Variants in TEX10 observed in about 807,000 individuals in gnomAD.
TEX10 encodes the protein testis expressed 10.
TEX10 carries 24 observed loss-of-function variants against 104.4 expected under a neutral mutation model. That is an observed-to-expected ratio of 0.23 (90% CI 0.17 to 0.32). The LOEUF is 0.32. Among genes scored for constraint, TEX10 ranks in the 10% least tolerant of loss-of-function variants. TEX10 has a pLI of 1.00. For synonymous variants in TEX10, 396 were observed against 393.4 expected, an observed-to-expected ratio of 1.01 and a Z score of -0.08; for missense variants, 921 against 1,083.9, an observed-to-expected ratio of 0.85 and a Z score of 2.11.
At chr9:100,348,714 G>A (rs1447679343) in intron 2 of TEX10, among the ~76,000 whole-genome samples, 2 of 152,108 alleles carry the variant, frequency 1.3e-5, no homozygotes, top group Admixed American at 6.6e-5. Flanking sequence ...AAGAGTTTGA[G>A]ACCAGCCTGG....
chr9:100,349,660 T>A (rs200335258), intron 1 of TEX10, among the ~76,000 whole-genome samples: 1 of 26,018 alleles, frequency 3.8e-5, no homozygotes, highest in South Asian at 3.2e-3. Context: ...CTGAAATGTG[T>A]TTTTTTTTTG....
intron 5 of TEX10, among the ~76,000 whole-genome samples, chr9:100,335,290 T>C (rs1446823386): frequency 6.6e-6 from 1 of 151,902 alleles, no homozygotes; most frequent in South Asian, 2.1e-4. Context: ...GCAACCTTCA[T>C]CTTCAGGGAT....
Position 100,352,929 on chromosome 9 carries a change from G to T in TEX10, c.-167C>A. 1 of 991,246 alleles carries T rather than the reference G, an allele frequency of 1.0e-6. No individual in the cohort carries two copies. The highest frequency in any genetic ancestry group is 1.2e-6 in the Non-Finnish European group (1 of 834,326). The allele number at this position is 991,246 out of a possible 1,614,324, so 61.4% of individuals were successfully genotyped here. A position where few individuals can be genotyped will look rare whatever the true frequency, so the allele number is the denominator to read the frequency against. ...TCACGCGGCCGCGTCTCCTTCCGCC[G>T]CCCGGAAATCAGGGCCCCTCCCCCT... On this transcript the variant is annotated 5_prime_UTR_variant, in exon 1 of 15. Transcript: ENST00000374902.
At chr9:100,325,145 A>T (rs549703735) in intron 9 of TEX10, among the ~76,000 whole-genome samples, 6 of 152,314 alleles carry the variant, frequency 3.9e-5, no homozygotes, top group South Asian at 2.1e-4. Flanking sequence ...TACTGGTATG[A>T]AGAAAGTCTA....
At chr9:100,306,684 G>T (rs41274959) in intron 13 of TEX10, 1 of 152,064 alleles carries the variant, frequency 6.6e-6, no homozygotes, top group African/African-American at 2.4e-5. Flanking sequence ...GCCCAAATGG[G>T]AATTTTAGGT....
At chr9:100,352,088 A>T (rs924601241) in intron 1 of TEX10, among the ~76,000 whole-genome samples, 50 of 152,302 alleles carry the variant, frequency 3.3e-4, no homozygotes, top group African/African-American at 1.1e-3. Context: ...TCCAACTATA[A>T]ATAGTTTGCC....
chr9:100,342,657 A>C (rs544886948), intron 4 of TEX10, among the ~76,000 whole-genome samples: 1 of 152,252 alleles, frequency 6.6e-6, no homozygotes, highest in East Asian at 1.9e-4. Context: ...TTGGTTACAA[A>C]CTCTAACCCT....
chr9:100,343,968 C>G (rs1199711629), intron 4 of TEX10, among the ~76,000 whole-genome samples: 1 of 152,150 alleles, frequency 6.6e-6, no homozygotes, highest in East Asian at 1.9e-4. Flanking sequence ...ATTTTAATGT[C>G]ATTTTGTATA....
At position 100,326,488 on chromosome 9, in the gene TEX10, G is replaced by A; in HGVS notation, c.1802-9C>T. On this transcript the variant is annotated splice_polypyrimidine_tract_variant and intron_variant, in intron 8 of 14. Coordinates refer to ENST00000374902, the MANE Select transcript of TEX10 (RefSeq NM_017746.4). ...AGCACCTTCTTGTGGATCTAGTGAG[G>A]TGGATAGACATATTAAAAACAACTA... 3 of 1,607,666 alleles carry A rather than the reference G, an allele frequency of 1.9e-6. No homozygotes were observed. The highest frequency in any genetic ancestry group is 2.5e-6 in the Non-Finnish European group (3 of 1,177,230).
rs777828472 is a variant in TEX10 at position 100,329,796 on chromosome 9, T to C, written c.1489+135A>G. ...ACAATTTCAGTGTTCAAGTAGACAG[T>C]AGCTACCTTTTATGGCTTGAATACA... On this transcript the variant is annotated intron_variant, in intron 6 of 14. Coordinates refer to ENST00000374902, the MANE Select transcript of TEX10 (RefSeq NM_017746.4). 9 of 771,392 alleles carry C rather than the reference T, an allele frequency of 1.2e-5. No homozygotes were observed. The South Asian group carries it at 1.5e-4, about 13-fold the overall frequency. The allele number at this position is 771,392 out of a possible 1,614,324, so 47.8% of individuals were successfully genotyped here.
intron 10 of TEX10, among the ~76,000 whole-genome samples, chr9:100,320,779 G>A (rs182657971): frequency 3.9e-5 from 6 of 152,272 alleles, no homozygotes; most frequent in Admixed American, 3.3e-4. Flanking sequence ...AAATGCTTTA[G>A]GTTCTTAGAT....
At position 100,349,385 on chromosome 9, in the gene TEX10, GAATT is replaced by G. The variant is rs752946673; in HGVS notation, c.-9-17_-9-14del. On this transcript the variant is annotated splice_polypyrimidine_tract_variant and intron_variant, in intron 1 of 14. Coordinates refer to ENST00000374902, the MANE Select transcript of TEX10 (RefSeq NM_017746.4). Reference sequence around the variant, plus strand: ...TCATTCTCGACTACTATAATGAAAAGAATTAATTAAAAGCAATGGATAGAGACAA... The same window carrying G: ...TCATTCTCGACTACTATAATGAAAAGAATTAAAAGCAATGGATAGAGACAA... 1.7e-5 allele frequency: 26 copies of G among 1,516,384 alleles called. 1 individual carries two copies. In the African/African-American group the frequency reaches 2.5e-4, roughly 15 times the overall value. 93.9% of individuals were successfully genotyped at this position (1,516,384 alleles called of 1,614,324 possible).
rs1274263359 is a variant in TEX10, at chr9:100,329,236, T to C, written c.1529A>G (p.Tyr510Cys). Residue 510 changes from tyrosine to cysteine, a missense_variant, in exon 7 of 15, where the codon TAT becomes TGT. By Grantham distance (194) the Tyr-to-Cys change is radical (BLOSUM62 -2). This residue lies in a region of TEX10 where 753 missense variants were observed against 868.4 expected (regional missense o/e 0.87). Coordinates refer to ENST00000374902, the MANE Select transcript of TEX10 (RefSeq NM_017746.4). ...ETLIKAVYTL[Y>C]QQRGLILPVR... ...TGGAAGGATAAGGCCCCTCTGCTGATATAATGTATAAACTGCCTTAATAAG... is the reference window on the plus strand; with the variant it reads ...TGGAAGGATAAGGCCCCTCTGCTGACATAATGTATAAACTGCCTTAATAAG... 2 of 1,611,150 alleles carry C rather than the reference T, an allele frequency of 1.2e-6. No individual in the cohort carries two copies. The highest frequency in any genetic ancestry group is 1.7e-6 in the Non-Finnish European group (2 of 1,179,364).
At position 100,303,826 on chromosome 9, in the gene TEX10, C is replaced by G; in HGVS notation, c.2482G>C (p.Val828Leu). Residue 828 changes from valine to leucine, a missense_variant, in exon 14 of 15, where the codon GTC becomes CTC. Val to Leu is a conservative substitution (Grantham distance 32). Transcript: ENST00000374902. Reference protein sequence around the residue: ...HLRKRDKLWGVCVSILALLPR... With the variant: ...HLRKRDKLWGLCVSILALLPR... ...AAGAGAGCCAGGATGGAGACACAGA[C>G]CCCCCACAGCTTGTCCCTACAATAA... 1 of 1,613,856 alleles carries G rather than the reference C, an allele frequency of 6.2e-7. No individual in the cohort carries two copies. Among genetic ancestry groups the G allele is most frequent in the Non-Finnish European group, 8.5e-7 (1 of 1,179,972 alleles).
At position 100,346,974 on chromosome 9, in the gene TEX10, A is replaced by T; in HGVS notation, c.613T>A (p.Ser205Thr). ...TTTACAGAAAGTATCCAGGACTGGG[A>T]TCTGTCTCTATTTATCAGTCCTTTG... ...LSKGLINRDR[S>T]QSWILSVNPN... The change falls in exon 3 of 15, where the codon TCC (serine) becomes ACC (threonine). Residue 205 changes from serine (S) to threonine (T), a missense_variant. By Grantham distance (58) the Ser-to-Thr change is moderately conservative (BLOSUM62 1). This residue lies in a region of TEX10 where 753 missense variants were observed against 868.4 expected (regional missense o/e 0.87). Transcript: ENST00000374902. The T allele has an allele frequency of 6.2e-7, 1 of 1,614,196 alleles. No individual in the cohort carries two copies. Among genetic ancestry groups the T allele is most frequent in the East Asian group, 2.2e-5 (1 of 44,882 alleles).
chr9:100,320,628 T>C (rs1834544599), intron 10 of TEX10, among the ~76,000 whole-genome samples: 2 of 152,210 alleles, frequency 1.3e-5, no homozygotes. Context: ...ATCTATAATA[T>C]AGCAAGAAAC....
chr9:100,352,082 A>T (rs1477018696), intron 1 of TEX10, among the ~76,000 whole-genome samples: 2 of 152,178 alleles, frequency 1.3e-5, no homozygotes, highest in Non-Finnish European at 2.9e-5. Flanking sequence ...CTAAATTCCA[A>T]CTATAAATAG....
At chr9:100,352,583 G>A (rs1835484346) in intron 1 of TEX10, 189 bp downstream of exon 1, 2 of 1,516,302 alleles carry the variant, frequency 1.3e-6, no homozygotes, top group African/African-American at 2.8e-5. Context: ...GCCCTAGGGG[G>A]TCCCGCCCCC....
chr9:100,343,073 C>T (rs995960899), intron 4 of TEX10, among the ~76,000 whole-genome samples: 5 of 150,736 alleles, frequency 3.3e-5, no homozygotes, highest in South Asian at 2.1e-4. Context: ...GGCGTGAACT[C>T]GGGAGGTGAG....
Sources: allele counts gnomAD v4.1 joint callset (sites outside exome capture counted in the v4.1 genomes callset), GRCh38; gene constraint gnomAD v4.1.1; regional missense constraint gnomAD v4.1.1; transcripts MANE v1.5; gene names NCBI Gene and HGNC (gene_info 2026-07-23, HGNC 2026-07-21).